INPP5A: variants seen among roughly 807,000 people sequenced by gnomAD.
The protein encoded by INPP5A is 43 kDa inositol polyphosphate 5-phophatase.
In INPP5A, 14 loss-of-function variants were observed where a neutral mutation model predicts 65.2. The observed-to-expected ratio is 0.21, with a 90% confidence interval of 0.14 to 0.34. The LOEUF is 0.34. Among genes scored for constraint, INPP5A ranks in the 10% least tolerant of loss-of-function variants. INPP5A has a pLI of 1.00. For missense variants in INPP5A, 431 were observed against 545.6 expected, an observed-to-expected ratio of 0.79 and a Z score of 2.09; for synonymous variants, 207 against 208.3, an observed-to-expected ratio of 0.99 and a Z score of 0.05.
At chr10:132,756,831 C>G (rs983171429) in intron 11 of INPP5A, among the ~76,000 whole-genome samples, 2 of 152,264 alleles carry the variant, frequency 1.3e-5, no homozygotes, top group African/African-American at 4.8e-5. Flanking sequence ...CGGGTGGTTG[C>G]CCCTGAGGGC....
rs111891205 is a variant in INPP5A, at chr10:132,611,870, G to A, written c.117+3914G>A. 4.5e-3 allele frequency among the ~76,000 whole-genome samples: 649 copies of A among 144,014 alleles called. 5 individuals carry two copies. The highest frequency in any genetic ancestry group is 0.017 in the African/African-American group (623 of 37,702). 94.5% of individuals were successfully genotyped at this position (144,014 alleles called of 152,430 possible). ...GCCCCGTCAGAGGAGGGTGTGGGAGGTGAAGTGGGCAGGGGAGAGGCCCCA... is the reference window on the plus strand; with the variant it reads ...GCCCCGTCAGAGGAGGGTGTGGGAGATGAAGTGGGCAGGGGAGAGGCCCCA... On this transcript the variant is annotated intron_variant, in intron 2 of 15. Transcript: ENST00000368594.
At chr10:132,583,516 A>T (rs2071511517) in intron 1 of INPP5A, among the ~76,000 whole-genome samples, 1 of 151,986 alleles carries the variant, frequency 6.6e-6, no homozygotes, top group South Asian at 2.1e-4. Context: ...ACCAGTAAGG[A>T]TGTGAGTATC....
chr10:132,588,351 C>G lies in INPP5A; in HGVS notation c.76-19564C>G, dbSNP rs908541152. ...AGCTCTCTGTCCTACTCGGGAGACG[C>G]AGCTTGCAGACTGGGTCCTTTCTCA... On this transcript the variant is annotated intron_variant, in intron 1 of 15. Transcript: ENST00000368594. 5.9e-5 allele frequency among the ~76,000 whole-genome samples: 9 copies of G among 152,366 alleles called. No homozygotes were observed. In the South Asian group the frequency reaches 1.2e-3, roughly 21 times the overall value.
In INPP5A at chr10:132,650,215, T is replaced by C. The variant is rs536363568; in HGVS notation, c.219-203T>C. Among the ~76,000 whole-genome samples, 5 of 152,274 alleles carry C rather than the reference T, an allele frequency of 3.3e-5. No homozygotes were observed. The highest frequency in any genetic ancestry group is 1.5e-5 in the Non-Finnish European group (1 of 68,004). On this transcript the variant is annotated intron_variant, in intron 3 of 15. Coordinates refer to ENST00000368594, the MANE Select transcript of INPP5A (RefSeq NM_005539.5). The surrounding 1 kb of genome is among the most constrained non-coding windows in gnomAD (Gnocchi z 5.5). ...GTGGAGACCAGAGCCTGTGGGAGCT[T>C]GAGCTCTGCACATGCTGAGAGCTGA...
intron 1 of INPP5A, among the ~76,000 whole-genome samples, chr10:132,571,167 A>C (rs1365791825): frequency 6.6e-6 from 1 of 152,234 alleles, no homozygotes; most frequent in African/African-American, 2.4e-5. Context: ...GACAGCAGCT[A>C]CCTGGGAATG....
chr10:132,538,405 G>A lies in INPP5A; in HGVS notation c.75+234G>A, dbSNP rs919470825. Among the ~76,000 whole-genome samples, 7 of 151,980 alleles carry A rather than the reference G, an allele frequency of 4.6e-5. No individual in the cohort carries two copies. The highest frequency in any genetic ancestry group is 1.7e-4 in the African/African-American group (7 of 41,380). ...CTGAAGACCTGGGCCCTGAATCCCC[G>A]AACCCCATCCTCCAGACTCCAGCAG... On this transcript the variant is annotated intron_variant, in intron 1 of 15. Transcript: ENST00000368594. The surrounding 1 kb of genome is among the most constrained non-coding windows in gnomAD (Gnocchi z 4.1).
Position 132,650,709 on chromosome 10 carries a change from A to G in INPP5A, c.306+204A>G, listed in dbSNP as rs1321065415. ...GCTGGCCTGGCAGGGAAGGTGGCCC[A>G]GCACGCACAGGGTCTTGGGGCTCCA... On this transcript the variant is annotated intron_variant, in intron 4 of 15. Coordinates refer to ENST00000368594, the MANE Select transcript of INPP5A (RefSeq NM_005539.5). This position sits in a 1 kb window ranked among gnomAD's most constrained non-coding sequence, Gnocchi z 5.5. Among the ~76,000 whole-genome samples, 1 of 152,178 alleles carries G rather than the reference A, an allele frequency of 6.6e-6. No individual in the cohort carries two copies. The highest frequency in any genetic ancestry group is 1.5e-5 in the Non-Finnish European group (1 of 68,032).
chr10:132,677,172 C>G (rs1017214407), intron 4 of INPP5A, among the ~76,000 whole-genome samples: 1 of 152,220 alleles, frequency 6.6e-6, no homozygotes, highest in Non-Finnish European at 1.5e-5. Flanking sequence ...CCTGAGGTGT[C>G]TGAAGCTGTT....
Position 132,705,668 on chromosome 10 carries a change from C to T in INPP5A, c.475-2645C>T, listed in dbSNP as rs947715871. 1.3e-5 allele frequency among the ~76,000 whole-genome samples: 2 copies of T among 152,194 alleles called. No individual in the cohort carries two copies. Among genetic ancestry groups the T allele is most frequent in the African/African-American group, 4.8e-5 (2 of 41,432 alleles). On this transcript the variant is annotated intron_variant, in intron 6 of 15. Coordinates refer to ENST00000368594, the MANE Select transcript of INPP5A (RefSeq NM_005539.5). This position sits in a 1 kb window ranked among gnomAD's most constrained non-coding sequence, Gnocchi z 4.9. Reference sequence around the variant, plus strand: ...ATTACTTCTTTAAAAGTCTGCTTACCTGGGGCCCGGGACTTTACAGGTGAG... The same window carrying T: ...ATTACTTCTTTAAAAGTCTGCTTACTTGGGGCCCGGGACTTTACAGGTGAG...
At chr10:132,718,795 G>A (rs1486591056) in intron 8 of INPP5A, among the ~76,000 whole-genome samples, 1 of 148,218 alleles carries the variant, frequency 6.7e-6, no homozygotes. Flanking sequence ...GGTTCTGTCT[G>A]GGCACCTTAG....
At chr10:132,600,809 C>G (rs2071766158) in intron 1 of INPP5A, among the ~76,000 whole-genome samples, 1 of 152,224 alleles carries the variant, frequency 6.6e-6, no homozygotes, top group Non-Finnish European at 1.5e-5. Context: ...GAAGCAAAAG[C>G]AGAAACCCCT....
chr10:132,720,723 G>GGTGCCTGAGTTCTGTC (rs1178241732), intron 8 of INPP5A, among the ~76,000 whole-genome samples: 1 of 148,448 alleles, frequency 6.7e-6, no homozygotes, highest in Non-Finnish European at 1.5e-5. Flanking sequence ...AGGGTTCTGT[G>GGTGCCTGAGTTCTGTC]GTGCCTGAGT....
chr10:132,650,418 A>G lies in INPP5A; in HGVS notation c.219A>G (p.Lys73=). Residue 73 remains lysine, a splice_region_variant and synonymous_variant, in exon 4 of 16, where the codon AAA becomes AAG. Coordinates refer to ENST00000368594, the MANE Select transcript of INPP5A (RefSeq NM_005539.5). The surrounding 1 kb of genome is among the most constrained non-coding windows in gnomAD (Gnocchi z 5.5). ...CAGGAACCTACTTTCTTCCTTCCAGAGAACTATTGTCGAGTGATGCGATGA... is the reference window on the plus strand; with the variant it reads ...CAGGAACCTACTTTCTTCCTTCCAGGGAACTATTGTCGAGTGATGCGATGA... The part of the protein sequence containing the change: ...ASMSHVDKFV[K]ELLSSDAMKE... 6.2e-7 allele frequency: 1 copy of G among 1,611,890 alleles called. No individual in the cohort carries two copies.
chr10:132,594,838 A>G (rs573147780), intron 1 of INPP5A, among the ~76,000 whole-genome samples: 38 of 152,230 alleles, frequency 2.5e-4, no homozygotes, highest in African/African-American at 8.9e-4. Context: ...TGCAGGCTGT[A>G]TGAGGTTCTC....
At chr10:132,662,665 T>C (rs2072751290) in intron 4 of INPP5A, among the ~76,000 whole-genome samples, 1 of 152,114 alleles carries the variant, frequency 6.6e-6, no homozygotes, top group South Asian at 2.1e-4. Context: ...GGGAGCACGG[T>C]AGATCCCCGC....
chr10:132,601,682 C>T (rs940433754), intron 1 of INPP5A, among the ~76,000 whole-genome samples: 49 of 152,034 alleles, frequency 3.2e-4, no homozygotes, highest in Non-Finnish European at 4.4e-4. Flanking sequence ...GGTAAGAAAC[C>T]AGTTTCATTC....
intron 5 of INPP5A, among the ~76,000 whole-genome samples, chr10:132,693,858 AC>A (rs2134492385): frequency 6.6e-6 from 1 of 152,318 alleles, no homozygotes; most frequent in African/African-American, 2.4e-5. Flanking sequence ...TAGCTGCCTA[AC>A]AACAGAGTGT....
Position 132,545,182 on chromosome 10 carries a change from G to T in INPP5A, c.75+7011G>T, listed in dbSNP as rs568692830. Among the ~76,000 whole-genome samples the T allele has an allele frequency of 6.6e-6, 1 of 152,184 alleles. No homozygotes were observed. Among genetic ancestry groups the T allele is most frequent in the African/African-American group, 2.4e-5 (1 of 41,434 alleles). ...GCACGGCTCTGGGATGGCTGTGCTC[G>T]GTGGGGGTCTGATTTTGGGGGAAGA... On this transcript the variant is annotated intron_variant, in intron 1 of 15. Transcript: ENST00000368594. This position sits in a 1 kb window ranked among gnomAD's most constrained non-coding sequence, Gnocchi z 4.6.
chr10:132,716,018 GC>G (rs1845733368), intron 8 of INPP5A, among the ~76,000 whole-genome samples: 1 of 152,248 alleles, frequency 6.6e-6, no homozygotes, highest in Admixed American at 6.5e-5. Flanking sequence ...GTCCACTGCT[GC>G]CCGGCAGGAG....
Sources: gnomAD v4.1 joint callset for allele counts (sites outside exome capture counted in the v4.1 genomes callset) on GRCh38, gnomAD v4.1.1 for gene constraint, Gnocchi (gnomAD v3.1) non-coding constraint, MANE v1.5 for transcripts, NCBI Gene and HGNC (gene_info 2026-07-23, HGNC 2026-07-21) for gene names.